Variants in ZNF438 observed in about 807,000 individuals in gnomAD.
The protein encoded by ZNF438 is zinc finger protein 438.
Under a neutral mutation model 38.0 loss-of-function variants are expected in ZNF438, and 25 were observed. The ratio of observed to expected loss-of-function variants is 0.66; its 90% CI spans 0.48 to 0.92. ZNF438 has a LOEUF of 0.92. Ranked by LOEUF, ZNF438 falls within the 40% of genes least tolerant of loss-of-function variation. The pLI is 0.00. For missense variants in ZNF438, 1,007 were observed against 999.6 expected (o/e 1.01, Z -0.10); for synonymous variants, 372 against 364.1 (o/e 1.02, Z -0.25).
intron 2 of ZNF438, among the ~76,000 whole-genome samples, chr10:30,914,469 G>C (rs1278540371): frequency 6.6e-6 from 1 of 151,672 alleles, no homozygotes; most frequent in African/African-American, 2.4e-5. Flanking sequence ...AAATGAGTTC[G>C]AGAAAAACTA....
intron 1 of ZNF438, among the ~76,000 whole-genome samples, chr10:30,946,373 A>G (rs1160711892): frequency 6.6e-6 from 1 of 152,210 alleles, no homozygotes; most frequent in Non-Finnish European, 1.5e-5. Context: ...CAGCTTCTGC[A>G]CAGCAAAAGA....
intron 4 of ZNF438, among the ~76,000 whole-genome samples, chr10:30,861,624 A>T (rs1008517809): frequency 6.6e-6 from 1 of 152,250 alleles, no homozygotes; most frequent in African/African-American, 2.4e-5. Context: ...CACTTAAAAT[A>T]TATTTTAATG....
intron 1 of ZNF438, among the ~76,000 whole-genome samples, chr10:31,031,588 G>A (rs1163994932): frequency 6.6e-6 from 1 of 152,192 alleles, no homozygotes; most frequent in Non-Finnish European, 1.5e-5. Flanking sequence ...CAGGCTCGGA[G>A]ACGCGCCCCG....
chr10:30,864,301 G>A (rs1404670904), intron 4 of ZNF438, among the ~76,000 whole-genome samples: 1 of 152,144 alleles, frequency 6.6e-6, no homozygotes, highest in East Asian at 1.9e-4. Flanking sequence ...AGGAAATGGA[G>A]TATTCCCAAC....
exon 5 of ZNF438, chr10:30,850,077 T>C: frequency 6.2e-7 from 1 of 1,614,142 alleles, no homozygotes. Flanking sequence ...AGGGACATTC[T>C]GGGTTTCTGA....
chr10:31,017,939 CA>C (rs2056323359), intron 1 of ZNF438, among the ~76,000 whole-genome samples: 1 of 152,290 alleles, frequency 6.6e-6, no homozygotes, highest in African/African-American at 2.4e-5. Flanking sequence ...AATGAAGTGA[CA>C]AAGTATGTGG....
chr10:30,977,934 A>C (rs1014227347), intron 1 of ZNF438, among the ~76,000 whole-genome samples: 2 of 151,794 alleles, frequency 1.3e-5, no homozygotes, highest in Non-Finnish European at 2.9e-5. Context: ...GTGCACCGAG[A>C]TCGTGCCACT....
chr10:30,884,002 A>G (rs2039621024), intron 3 of ZNF438, among the ~76,000 whole-genome samples: 1 of 152,242 alleles, frequency 6.6e-6, no homozygotes, highest in Non-Finnish European at 1.5e-5. Context: ...GGGGCATTAA[A>G]GTGCTACATA....
At chr10:30,875,222 C>A in intron 4 of ZNF438, 5 of 982,978 alleles carry the variant, frequency 5.1e-6, no homozygotes, top group Non-Finnish European at 4.8e-6. Context: ...GGCATCAGAA[C>A]AAAACAAACT....
At chr10:31,003,375 G>A (rs181528451) in intron 1 of ZNF438, among the ~76,000 whole-genome samples, 13 of 152,252 alleles carry the variant, frequency 8.5e-5, no homozygotes, top group Admixed American at 1.3e-4. Flanking sequence ...AGTATTGGAT[G>A]TCTTGCTTAC....
exon 5 of ZNF438, chr10:30,849,918 G>A: frequency 6.2e-7 from 1 of 1,614,170 alleles, no homozygotes; most frequent in South Asian, 1.1e-5. Flanking sequence ...TGGTGAGGTG[G>A]GGAAGGGGAC....
chr10:30,854,679 T>C (rs74133696), intron 4 of ZNF438, among the ~76,000 whole-genome samples: 2,731 of 152,192 alleles, frequency 0.018, 74 homozygotes, highest in African/African-American at 0.063. Context: ...ACTACCTACC[T>C]GAGGAAATAA....
chr10:31,021,878 A>C lies in ZNF438; in HGVS notation c.-192+9955T>G, dbSNP rs1037446938. 2.6e-5 allele frequency among the ~76,000 whole-genome samples: 4 copies of C among 152,328 alleles called. No individual in the cohort carries two copies. The East Asian group carries it at 7.7e-4, about 29-fold the overall frequency. The stretch of plus-strand genomic sequence containing the variant: ...AGTTGACAAATGACCAATTGAGAGC[A>C]ATCATTGAAGTTGATCGTCTTACAG... On this transcript the variant is annotated intron_variant, in intron 1 of 5. Coordinates refer to ENST00000413025, the Ensembl canonical transcript of ZNF438.
At chr10:30,908,248 C>A (rs908755009) in intron 3 of ZNF438, among the ~76,000 whole-genome samples, 1 of 152,154 alleles carries the variant, frequency 6.6e-6, no homozygotes, top group Non-Finnish European at 1.5e-5. Flanking sequence ...ACTTTAGTAT[C>A]ATTTCAATCC....
intron 1 of ZNF438, among the ~76,000 whole-genome samples, chr10:31,011,842 T>C (rs2055733345): frequency 1.3e-5 from 2 of 152,244 alleles, no homozygotes; most frequent in Non-Finnish European, 2.9e-5. Flanking sequence ...ACTCACACTT[T>C]CAACGGCTTT....
At chr10:31,013,408 A>G (rs573438817) in intron 1 of ZNF438, among the ~76,000 whole-genome samples, 25 of 152,082 alleles carry the variant, frequency 1.6e-4, no homozygotes, top group Non-Finnish European at 3.4e-4. Context: ...GCTGCCATCA[A>G]TCCTCTCTCA....
At chr10:30,879,772 G>A (rs1273571339) in intron 3 of ZNF438, among the ~76,000 whole-genome samples, 1 of 152,092 alleles carries the variant, frequency 6.6e-6, no homozygotes, top group Non-Finnish European at 1.5e-5. Flanking sequence ...ACAGAATGGA[G>A]AAGACAGTAA....
intron 1 of ZNF438, among the ~76,000 whole-genome samples, chr10:30,986,928 G>T (rs2052872479): frequency 6.6e-6 from 1 of 152,096 alleles, no homozygotes; most frequent in Non-Finnish European, 1.5e-5. Context: ...ACAAACCTTG[G>T]TTGAGTACAG....
At chr10:31,003,360 C>A (rs1046595197) in intron 1 of ZNF438, among the ~76,000 whole-genome samples, 11 of 152,134 alleles carry the variant, frequency 7.2e-5, no homozygotes, top group African/African-American at 2.7e-4. Flanking sequence ...TGAGGTAGAA[C>A]AGGTAGTATT....
Sources: allele counts gnomAD v4.1 joint callset (sites outside exome capture counted in the v4.1 genomes callset), GRCh38; gene constraint gnomAD v4.1.1; transcripts MANE v1.5; gene names NCBI Gene and HGNC (gene_info 2026-07-23, HGNC 2026-07-21).